Variants in PARP4 observed in about 807,000 individuals in gnomAD.
PARP4 encodes the protein protein mono-ADP-ribosyltransferase PARP4.
In PARP4, 120 loss-of-function variants were observed where a neutral mutation model predicts 187.7. That is an observed-to-expected ratio of 0.64 (90% CI 0.55 to 0.74). The LOEUF (loss-of-function observed/expected upper bound fraction) is 0.74. Among genes scored for constraint, PARP4 ranks in the 30% least tolerant of loss-of-function variants. PARP4 has a pLI of 0.00. For missense variants in PARP4, 1,836 were observed against 2,070.5 expected, an observed-to-expected ratio of 0.89 and a Z score of 2.20; for synonymous variants, 654 against 740.9, an observed-to-expected ratio of 0.88 and a Z score of 1.90.
rs1873557621 is a variant in PARP4, at chr13:24,486,385, A to G, written c.1215-80T>C. On this transcript the variant is annotated intron_variant, in intron 10 of 33. Coordinates refer to ENST00000381989, the MANE Select transcript of PARP4 (RefSeq NM_006437.4). ...AGTCATTATAGCAGAAGAAATCCCA[A>G]AAGAGTCCAAATGTCCATTATCAGG... The G allele has an allele frequency of 7.8e-6, 7 of 894,422 alleles. No homozygotes were observed. In the South Asian group the frequency reaches 1.1e-4, roughly 14 times the overall value. 55.4% of individuals were successfully genotyped at this position (894,422 alleles called of 1,614,324 possible). A position where few individuals can be genotyped will look rare whatever the true frequency, so the allele number is the denominator to read the frequency against.
At position 24,503,718 on chromosome 13, in the gene PARP4, T is replaced by C. The variant is rs111377921; in HGVS notation, c.59A>G (p.Gln20Arg). ...IFCLKVKYLPQQQKKKLQTDI... is the reference protein window; with the variant it reads ...IFCLKVKYLPRQQKKKLQTDI... ...AGTTTGTAGCTTTTTCTTCTGCTGC[T>C]GAGGTAAGTACTTCACTTTCAAACA... is the stretch of plus-strand genomic sequence containing the variant. The change falls in exon 2 of 34, where the codon CAG becomes CGG. Residue 20 changes from glutamine to arginine, a missense_variant. Coordinates refer to ENST00000381989, the MANE Select transcript of PARP4 (RefSeq NM_006437.4). 2.5e-3 allele frequency: 4,112 copies of C among 1,613,868 alleles called. 59 individuals carry two copies. In the African/African-American group the frequency reaches 0.036, roughly 14 times the overall value.
chr13:24,498,035 GT>G (rs1869049268), intron 6 of PARP4, 80 bp downstream of exon 6: 7 of 925,332 alleles, frequency 7.6e-6, no homozygotes, highest in Non-Finnish European at 1.2e-5. Context: ...GAAGAAAAAG[GT>G]TGGGAGGTCG....
At chr13:24,505,139 G>GACACACACAC (rs141835469) in intron 1 of PARP4, among the ~76,000 whole-genome samples, 1 of 150,022 alleles carries the variant, frequency 6.7e-6, no homozygotes, top group African/African-American at 2.5e-5. Flanking sequence ...GTTAAAGAAA[G>GACACACACAC]ACACACACAC....
At chr13:24,493,184 T>C (rs1481091638) in intron 8 of PARP4, among the ~76,000 whole-genome samples, 2 of 152,214 alleles carry the variant, frequency 1.3e-5, no homozygotes, top group East Asian at 3.9e-4. Context: ...TTTCTGGTGG[T>C]CTGGAGGCAT....
chr13:24,467,290 T>TG (rs1026510767), intron 17 of PARP4, among the ~76,000 whole-genome samples: 3 of 152,202 alleles, frequency 2.0e-5, no homozygotes, highest in Non-Finnish European at 4.4e-5. Context: ...ACTTAAATAT[T>TG]GGGGATTACG....
At chr13:24,482,056 TCTAA>T (rs1003264242) in intron 12 of PARP4, among the ~76,000 whole-genome samples, 9 of 152,230 alleles carry the variant, frequency 5.9e-5, no homozygotes, top group Non-Finnish European at 8.8e-5. Flanking sequence ...AGAAGTTTAC[TCTAA>T]CTATCTTGGG....
chr13:24,457,915 T>C (rs1284565572), intron 20 of PARP4, among the ~76,000 whole-genome samples: 1 of 151,746 alleles, frequency 6.6e-6, no homozygotes, highest in Non-Finnish European at 1.5e-5. Flanking sequence ...AAAATCATAC[T>C]GTTATGAAAT....
intron 12 of PARP4, among the ~76,000 whole-genome samples, chr13:24,481,283 A>T (rs1006791592): frequency 1.3e-5 from 2 of 152,276 alleles, no homozygotes; most frequent in Admixed American, 6.5e-5. Flanking sequence ...CTAGCCATCC[A>T]GGAGCTCTGA....
chr13:24,462,637 T>G (rs1455616359), intron 17 of PARP4, among the ~76,000 whole-genome samples: 1 of 152,172 alleles, frequency 6.6e-6, no homozygotes, highest in Non-Finnish European at 1.5e-5. Flanking sequence ...CTATGATTAA[T>G]ATATGAAAAG....
intron 4 of PARP4, 149 bp from the exon 5 acceptor site, chr13:24,499,525 G>C (rs1430773286): frequency 1.7e-6 from 1 of 604,226 alleles, no homozygotes. Flanking sequence ...AAGTCCCTAA[G>C]GCCTCCTTAG....
intron 15 of PARP4, among the ~76,000 whole-genome samples, chr13:24,475,222 T>C (rs776780194): frequency 6.6e-6 from 1 of 152,158 alleles, no homozygotes; most frequent in Non-Finnish European, 1.5e-5. Flanking sequence ...TGTGTTTCAC[T>C]CTTTCATCAT....
intron 27 of PARP4, among the ~76,000 whole-genome samples, chr13:24,446,335 T>C (rs7333368): frequency 0.044 from 6,632 of 152,244 alleles, 399 homozygotes; most frequent in African/African-American, 0.14. Flanking sequence ...TTTGTACATA[T>C]AGTCCATCTC....
chr13:24,424,973 G>T (rs1193529910), intron 33 of PARP4, among the ~76,000 whole-genome samples: 1 of 151,804 alleles, frequency 6.6e-6, no homozygotes. Flanking sequence ...GTGAGCCACC[G>T]CGCCCGGCCA....
chr13:24,441,713 G>T, intron 30 of PARP4, 133 bp downstream of exon 30: 1 of 751,434 alleles, frequency 1.3e-6, no homozygotes, highest in Non-Finnish European at 2.1e-6. Context: ...ATAAATGCAT[G>T]AATATTTTCC....
intron 15 of PARP4, among the ~76,000 whole-genome samples, chr13:24,472,459 G>T (rs1304742426): frequency 6.6e-6 from 1 of 152,150 alleles, no homozygotes; most frequent in African/African-American, 2.4e-5. Flanking sequence ...AGATTAAGGT[G>T]ATCACTGAAA....
intron 23 of PARP4, among the ~76,000 whole-genome samples, chr13:24,453,092 G>A (rs1006632261): frequency 6.6e-6 from 1 of 151,888 alleles, no homozygotes; most frequent in Non-Finnish European, 1.5e-5. Context: ...CCGTCACTAC[G>A]CCTGGCTAAT....
chr13:24,436,416 G>A (rs560077794), intron 30 of PARP4, among the ~76,000 whole-genome samples: 85 of 151,796 alleles, frequency 5.6e-4, no homozygotes, highest in Middle Eastern at 3.5e-3. Context: ...TGATCCTCTC[G>A]CCTCAGACTC....
intron 25 of PARP4, among the ~76,000 whole-genome samples, 195 bp from the exon 26 acceptor site, chr13:24,447,381 G>GA (rs1288800013): frequency 6.6e-6 from 1 of 152,210 alleles, no homozygotes. Flanking sequence ...TTTATTTTGA[G>GA]ATGGAGTTTT....
chr13:24,439,738 T>G (rs1870822194), intron 30 of PARP4, among the ~76,000 whole-genome samples: 1 of 152,172 alleles, frequency 6.6e-6, no homozygotes, highest in Admixed American at 6.5e-5. Flanking sequence ...ACAGTAAGTC[T>G]CAAGGACAAA....
Sources: allele counts gnomAD v4.1 joint callset (sites outside exome capture counted in the v4.1 genomes callset), GRCh38; gene constraint gnomAD v4.1.1; transcripts MANE v1.5; gene names NCBI Gene and HGNC (gene_info 2026-07-23, HGNC 2026-07-21).